The following PDIA6 variants were observed in gnomAD, a reference collection of about 807,000 sequenced individuals.
PDIA6 encodes protein disulfide-isomerase A6.
A neutral mutation model predicts 58.4 loss-of-function variants in PDIA6; 29 were observed. The ratio of observed to expected loss-of-function variants is 0.50; its 90% CI spans 0.37 to 0.68. The LOEUF is 0.68. Among genes scored for constraint, PDIA6 ranks in the 30% least tolerant of loss-of-function variants. The pLI, the probability that PDIA6 is intolerant of heterozygous loss-of-function variation, is 0.00. For missense variants in PDIA6, 480 were observed against 551.0 expected (o/e 0.87, Z 1.29); for synonymous variants, 192 against 202.6 (o/e 0.95, Z 0.44).
intron 1 of PDIA6, among the ~76,000 whole-genome samples, chr2:10,811,558 T>C (rs1270096842): frequency 6.6e-6 from 1 of 152,154 alleles, no homozygotes; most frequent in African/African-American, 2.4e-5. Context: ...GGAGTACTAT[T>C]ATCAGTCCCT....
chr2:10,819,223 G>T, intron 2 of PDIA6: 1 of 1,134,420 alleles, frequency 8.8e-7, no homozygotes, highest in Non-Finnish European at 1.3e-6. Context: ...TTCACCTTTT[G>T]GCTGTTGTGA....
intron 2 of PDIA6, chr2:10,819,225 C>A (rs778493731): frequency 2.2e-5 from 25 of 1,159,418 alleles, no homozygotes; most frequent in Non-Finnish European, 3.1e-5. Flanking sequence ...CACCTTTTGG[C>A]TGTTGTGAAC....
In PDIA6 at chr2:10,828,078, G is replaced by A. The variant is rs1572709038; in HGVS notation, c.-48+4124C>T. 3.9e-5 allele frequency among the ~76,000 whole-genome samples: 6 copies of A among 152,056 alleles called. No homozygotes were observed. In the South Asian group the frequency reaches 1.2e-3, roughly 32 times the overall value. ...CATCCCACACCGCAGCAGCCCGCAT[G>A]TTTGTTACAATGAACCTACATTGAC... is the stretch of plus-strand genomic sequence containing the variant. On this transcript the variant is annotated intron_variant, in intron 1 of 13. Coordinates refer to the PDIA6 transcript ENST00000381611.
chr2:10,826,263 G>A (rs568046477), intron 1 of PDIA6, among the ~76,000 whole-genome samples: 1 of 152,332 alleles, frequency 6.6e-6, no homozygotes, highest in Non-Finnish European at 1.5e-5. Flanking sequence ...TCGGAACTAG[G>A]AAGTCTATAG....
At chr2:10,820,727 A>T (rs1200646236) in intron 1 of PDIA6, 1 of 702,862 alleles carries the variant, frequency 1.4e-6, no homozygotes. Flanking sequence ...CAGCGGCACC[A>T]GCTGGGGTGG....
rs769342355 is a variant in PDIA6, at chr2:10,789,062, G to C, written c.841-81C>G. The C allele has an allele frequency of 1.2e-5, 11 of 940,680 alleles. No homozygotes were observed. The African/African-American group carries it at 1.8e-4, about 15-fold the overall frequency. 58.3% of individuals were successfully genotyped at this position (940,680 alleles called of 1,614,324 possible). On this transcript the variant is annotated intron_variant, in intron 8 of 12. Transcript: ENST00000272227. ...AGGTAAGCTGGCAAACAAGACCTTC[G>C]CACCGTCACTTTCATTGAAAACATT...
At chr2:10,832,861 C>T (rs1189876055), upstream of PDIA6, among the ~76,000 whole-genome samples, 1 of 152,092 alleles carries the variant, frequency 6.6e-6, no homozygotes, top group Non-Finnish European at 1.5e-5. Flanking sequence ...TCACCTGGGC[C>T]CCCAGGGACA....
chr2:10,833,037 AGAT>A (rs1339450322), upstream of PDIA6, among the ~76,000 whole-genome samples: 1 of 151,994 alleles, frequency 6.6e-6, no homozygotes, highest in African/African-American at 2.4e-5. Flanking sequence ...GGGAGCTCAC[AGAT>A]GATATTGGGG....
rs576579961 is a variant in PDIA6, at chr2:10,800,539, C to T, written c.161+1960G>A. Among the ~76,000 whole-genome samples the T allele has an allele frequency of 6.0e-3, 886 of 147,564 alleles. 11 individuals carry two copies. The highest frequency in any genetic ancestry group is 0.019 in the African/African-American group (773 of 40,330). The stretch of plus-strand genomic sequence containing the variant: ...TTTCCATACTTTAGGTTTTTTTTTG[C>T]GATTCTATAAGCTTTATTTAAACGT... On this transcript the variant is annotated intron_variant, in intron 2 of 12. Transcript: ENST00000272227.
chr2:10,790,666 G>A, intron 7 of PDIA6, 53 bp downstream of exon 7: 1 of 1,299,412 alleles, frequency 7.7e-7, no homozygotes, highest in South Asian at 1.2e-5. Context: ...ATTGGAAGAA[G>A]TAACGAAACA....
intron 1 of PDIA6, among the ~76,000 whole-genome samples, chr2:10,828,230 T>G (rs1667610076): frequency 6.6e-6 from 1 of 152,240 alleles, no homozygotes; most frequent in Non-Finnish European, 1.5e-5. Flanking sequence ...GTAGTTTCAC[T>G]GTCCTAAAAA....
chr2:10,797,109 G>A lies in PDIA6; in HGVS notation c.318C>T (p.Ser106=), dbSNP rs1354808180. ...QGFPTIKIFG[S]NKNRPEDYQG... is the part of the protein sequence containing the mutation. ...GGTAATCTTCTGGTCTGTTTTTGTT[G>A]GATCCAAAAATCTTAATGGTAGGAA... is the stretch of plus-strand genomic sequence containing the variant. The change falls in exon 4 of 13, where the codon TCC becomes TCT. Residue 106 remains serine (S), a synonymous_variant. Transcript: ENST00000272227. The A allele has an allele frequency of 6.2e-7, 1 of 1,612,884 alleles. No individual in the cohort carries two copies. Among genetic ancestry groups the A allele is most frequent in the Non-Finnish European group, 8.5e-7 (1 of 1,179,268 alleles).
At chr2:10,795,127 C>T (rs753842719) in intron 4 of PDIA6, among the ~76,000 whole-genome samples, 1 of 152,116 alleles carries the variant, frequency 6.6e-6, no homozygotes, top group Admixed American at 6.6e-5. Flanking sequence ...GCCCCTTCCC[C>T]GAGTCTTTAT....
At chr2:10,817,749 G>A (rs564304093), upstream of PDIA6, among the ~76,000 whole-genome samples, 2 of 152,306 alleles carry the variant, frequency 1.3e-5, no homozygotes, top group African/African-American at 4.8e-5. Flanking sequence ...GCAGTGACAG[G>A]GAAGGAACCC....
chr2:10,801,308 A>T (rs1666502751), intron 2 of PDIA6, among the ~76,000 whole-genome samples: 1 of 152,154 alleles, frequency 6.6e-6, no homozygotes, highest in South Asian at 2.1e-4. Flanking sequence ...TCAGACATTC[A>T]GTCACCCAAA....
At chr2:10,825,882 T>G (rs541624034) in intron 1 of PDIA6, among the ~76,000 whole-genome samples, 1 of 152,206 alleles carries the variant, frequency 6.6e-6, no homozygotes, top group African/African-American at 2.4e-5. Context: ...CTTTTGGGAA[T>G]GTAAAATGGT....
intron 11 of PDIA6, 50 bp downstream of exon 11, chr2:10,787,231 A>G (rs764867266): frequency 6.5e-7 from 1 of 1,542,550 alleles, no homozygotes; most frequent in South Asian, 1.1e-5. Context: ...AACCTACAAC[A>G]GAACCAAACA....
intron 1 of PDIA6, among the ~76,000 whole-genome samples, chr2:10,807,850 C>A (rs780697803): frequency 1.3e-5 from 2 of 152,194 alleles, no homozygotes; most frequent in Non-Finnish European, 2.9e-5. Flanking sequence ...GACAGCATTA[C>A]TAACTAGAAA....
intron 1 of PDIA6, among the ~76,000 whole-genome samples, chr2:10,827,826 A>AG (rs1419346707): frequency 6.6e-6 from 1 of 151,220 alleles, no homozygotes; most frequent in African/African-American, 2.4e-5. Flanking sequence ...TCTGTCTCAA[A>AG]AAAAAAAAAA....
Sources: allele counts gnomAD v4.1 joint callset (sites outside exome capture counted in the v4.1 genomes callset), GRCh38; gene constraint gnomAD v4.1.1; transcripts MANE v1.5; gene names NCBI Gene and HGNC (gene_info 2026-07-23, HGNC 2026-07-21).